Variants in MDGA2 observed in about 807,000 individuals in gnomAD.
The protein encoded by MDGA2 is MAM domain containing glycosylphosphatidylinositol anchor 2.
Under a neutral mutation model 117.8 loss-of-function variants are expected in MDGA2, and 40 were observed. The ratio of observed to expected loss-of-function variants is 0.34; its 90% CI spans 0.26 to 0.44. The LOEUF is 0.44. Among genes scored for constraint, MDGA2 ranks in the 20% least tolerant of loss-of-function variants. The pLI is 1.00. For missense variants in MDGA2, 1,123 were observed against 1,250.6 expected, an observed-to-expected ratio of 0.90 and a Z score of 1.54; for synonymous variants, 452 against 439.0, an observed-to-expected ratio of 1.03 and a Z score of -0.37.
intron 8 of MDGA2, among the ~76,000 whole-genome samples, chr14:47,004,184 C>T (rs1235967823): frequency 4.0e-5 from 6 of 151,730 alleles, no homozygotes; most frequent in Non-Finnish European, 5.9e-5. Context: ...AATAATTACA[C>T]GGAAGATACT....
At chr14:47,585,098 C>A (rs1224085935) in intron 1 of MDGA2, among the ~76,000 whole-genome samples, 1 of 151,880 alleles carries the variant, frequency 6.6e-6, no homozygotes, top group Non-Finnish European at 1.5e-5. Flanking sequence ...ACAGGAGTGT[C>A]TATTCCTGGT....
intron 1 of MDGA2, among the ~76,000 whole-genome samples, chr14:47,653,835 A>G (rs1897690984): frequency 1.3e-5 from 2 of 152,152 alleles, no homozygotes; most frequent in African/African-American, 4.8e-5. Context: ...TGGAGATGGA[A>G]CAAACAGGCC....
intron 3 of MDGA2, among the ~76,000 whole-genome samples, chr14:47,157,623 GT>G (rs1883448978): frequency 6.7e-6 from 1 of 150,108 alleles, no homozygotes. Flanking sequence ...GTGTGTGTGT[GT>G]GTGTGTGTGT....
chr14:47,152,156 T>C (rs976852111), intron 3 of MDGA2, among the ~76,000 whole-genome samples: 3 of 152,104 alleles, frequency 2.0e-5, no homozygotes, highest in Non-Finnish European at 2.9e-5. Context: ...TGTCTCCCAA[T>C]TGTCTCCCAA....
chr14:47,553,805 C>G (rs1398745556), intron 1 of MDGA2, among the ~76,000 whole-genome samples: 1 of 152,020 alleles, frequency 6.6e-6, no homozygotes, highest in African/African-American at 2.4e-5. Flanking sequence ...ATCTCTGAAA[C>G]TTGCCAATAT....
chr14:47,461,748 A>T lies in MDGA2; in HGVS notation c.281-160198T>A, dbSNP rs191227196. ...TATGTATTGAAAAGAACTGAGCAACATATGATCCCCATTTTATTTTTACGT... is the reference window on the plus strand; with the variant it reads ...TATGTATTGAAAAGAACTGAGCAACTTATGATCCCCATTTTATTTTTACGT... On this transcript the variant is annotated intron_variant, in intron 1 of 16. Transcript: ENST00000399232. Among the ~76,000 whole-genome samples, 231 of 152,334 alleles carry T rather than the reference A, an allele frequency of 1.5e-3. 2 individuals are homozygous for T. The highest frequency in any genetic ancestry group is 5.3e-3 in the African/African-American group (219 of 41,586).
At chr14:46,994,298 A>G (rs1887203892) in intron 8 of MDGA2, among the ~76,000 whole-genome samples, 1 of 152,088 alleles carries the variant, frequency 6.6e-6, no homozygotes, top group African/African-American at 2.4e-5. Context: ...ATTCTTCCCT[A>G]CAATAATCTG....
intron 9 of MDGA2, among the ~76,000 whole-genome samples, chr14:46,945,968 A>G (rs1885158718): frequency 6.6e-6 from 1 of 152,148 alleles, no homozygotes; most frequent in Non-Finnish European, 1.5e-5. Flanking sequence ...TATTTTAAAT[A>G]CATGGTTAAC....
chr14:47,445,350 A>G (rs1893099856), intron 1 of MDGA2, among the ~76,000 whole-genome samples: 1 of 152,132 alleles, frequency 6.6e-6, no homozygotes, highest in Non-Finnish European at 1.5e-5. Flanking sequence ...CACCTTCATC[A>G]CCTGGCTGTA....
At chr14:46,900,197 T>C (rs1388671547) in intron 10 of MDGA2, among the ~76,000 whole-genome samples, 1 of 152,000 alleles carries the variant, frequency 6.6e-6, no homozygotes, top group African/African-American at 2.4e-5. Flanking sequence ...GAGATGAAAA[T>C]AGTGAAAACG....
At chr14:46,872,982 C>T (rs562174202) in intron 14 of MDGA2, among the ~76,000 whole-genome samples, 16 of 138,200 alleles carry the variant, frequency 1.2e-4, no homozygotes, top group South Asian at 5.7e-4. Context: ...GTTTGGCATA[C>T]TTTAAAAACA....
intron 1 of MDGA2, among the ~76,000 whole-genome samples, chr14:47,318,744 A>C (rs923962704): frequency 6.6e-6 from 1 of 150,506 alleles, no homozygotes; most frequent in Admixed American, 6.6e-5. Flanking sequence ...TGGCCTATCT[A>C]GATCTGTAGT....
chr14:46,992,877 G>A (rs1887143990), intron 8 of MDGA2, among the ~76,000 whole-genome samples: 1 of 152,124 alleles, frequency 6.6e-6, no homozygotes, highest in African/African-American at 2.4e-5. Context: ...TTGATTAATA[G>A]CATAGCAATA....
intron 2 of MDGA2, among the ~76,000 whole-genome samples, chr14:47,269,994 T>A (rs188700763): frequency 6.0e-4 from 91 of 152,242 alleles, no homozygotes; most frequent in Non-Finnish European, 9.8e-4. Flanking sequence ...ACTGCCACAG[T>A]TGGAAAAGTG....
At chr14:46,919,779 G>A (rs1884052736) in intron 10 of MDGA2, among the ~76,000 whole-genome samples, 2 of 152,160 alleles carry the variant, frequency 1.3e-5, no homozygotes, top group Non-Finnish European at 2.9e-5. Context: ...ACTTTAGTAT[G>A]TCTGCTGTCA....
intron 10 of MDGA2, among the ~76,000 whole-genome samples, chr14:46,917,704 G>C (rs1018264383): frequency 6.6e-6 from 1 of 152,130 alleles, no homozygotes; most frequent in Non-Finnish European, 1.5e-5. Context: ...AGAAATGTGT[G>C]TCACTGCGTA....
chr14:47,160,659 G>A (rs949428491), intron 3 of MDGA2, among the ~76,000 whole-genome samples: 1 of 152,114 alleles, frequency 6.6e-6, no homozygotes, highest in Non-Finnish European at 1.5e-5. Context: ...AGCGAGACCT[G>A]TCTCTAAAAT....
intron 1 of MDGA2, among the ~76,000 whole-genome samples, chr14:47,406,894 T>A (rs1892271626): frequency 6.6e-6 from 1 of 152,056 alleles, no homozygotes; most frequent in African/African-American, 2.4e-5. Flanking sequence ...CAATTTGATG[T>A]TTTTTCTTAA....
chr14:47,019,323 A>T lies in MDGA2; in HGVS notation c.1819+15688T>A, dbSNP rs566438705. Among the ~76,000 whole-genome samples the T allele has an allele frequency of 1.5e-4, 23 of 152,266 alleles. No homozygotes were observed. The South Asian group carries it at 4.8e-3, about 32-fold the overall frequency. On this transcript the variant is annotated intron_variant, in intron 8 of 16. Coordinates refer to ENST00000399232, the MANE Select transcript of MDGA2 (RefSeq NM_001113498.3). The stretch of plus-strand genomic sequence containing the variant: ...GTAAGTACACAAAACAATAATAATG[A>T]GATACAGAGGATACACTATAAGCAG...
Sources: allele counts gnomAD v4.1 joint callset (sites outside exome capture counted in the v4.1 genomes callset), GRCh38; gene constraint gnomAD v4.1.1; transcripts MANE v1.5; gene names NCBI Gene and HGNC (gene_info 2026-07-23, HGNC 2026-07-21).